The following STK17A variants were observed in gnomAD, a reference collection of about 807,000 sequenced individuals.
STK17A encodes serine/threonine kinase 17a.
A neutral mutation model predicts 43.7 loss-of-function variants in STK17A; 26 were observed. The ratio of observed to expected loss-of-function variants is 0.60; its 90% confidence interval spans 0.44 to 0.83. The LOEUF (loss-of-function observed/expected upper bound fraction) is 0.83. Among genes scored for constraint, STK17A ranks in the 40% least tolerant of loss-of-function variants. The pLI is 0.00. For synonymous variants in STK17A, 191 were observed against 182.5 expected (o/e 1.05, Z -0.38); for missense variants, 476 against 511.6 (o/e 0.93, Z 0.67).
chr7:43,609,259 A>C (rs900661927), intron 3 of STK17A: 4 of 152,280 alleles, frequency 2.6e-5, no homozygotes, highest in Non-Finnish European at 2.9e-5. Context: ...GACAGCAGGA[A>C]AGTCAGTCTC....
Position 43,611,362 on chromosome 7 carries a change from A to T in STK17A, c.564+2962A>T, listed in dbSNP as rs36028286. Reference sequence around the variant, plus strand: ...TATACACATTTATCTTTTCTCAAAGATATTAATTTTTTAATACCATGGCTA... The same window carrying T: ...TATACACATTTATCTTTTCTCAAAGTTATTAATTTTTTAATACCATGGCTA... On this transcript the variant is annotated intron_variant, in intron 3 of 6. Coordinates refer to ENST00000319357, the MANE Select transcript of STK17A (RefSeq NM_004760.3). Among the ~76,000 whole-genome samples the T allele has an allele frequency of 3.3e-3, 504 of 152,290 alleles. 2 individuals are homozygous for T. The highest frequency in any genetic ancestry group is 5.3e-3 in the Non-Finnish European group (363 of 68,016).
intron 2 of STK17A, among the ~76,000 whole-genome samples, chr7:43,597,476 G>A (rs2082525085): frequency 1.3e-5 from 2 of 152,002 alleles, no homozygotes; most frequent in South Asian, 4.1e-4. Flanking sequence ...GCAGCTCATG[G>A]GTTCAAGCGA....
In STK17A at chr7:43,624,880, G is replaced by A; in HGVS notation, c.*38G>A. 6.6e-7 allele frequency: 1 copy of A among 1,510,082 alleles called. No individual in the cohort carries two copies. The highest frequency in any genetic ancestry group is 8.9e-7 in the Non-Finnish European group (1 of 1,122,206). The allele number at this position is 1,510,082 out of a possible 1,614,324, so 93.5% of individuals were successfully genotyped here. A position where few individuals can be genotyped will look rare whatever the true frequency, so the allele number is the denominator to read the frequency against. Reference sequence around the variant, plus strand: ...TTTAGAACTTCAAGATTTCTACATTGAAAATGTTAATATTATTTATGGACC... The same window carrying A: ...TTTAGAACTTCAAGATTTCTACATTAAAAATGTTAATATTATTTATGGACC... On this transcript the variant is annotated 3_prime_UTR_variant, in exon 7 of 7. Coordinates refer to ENST00000319357, the MANE Select transcript of STK17A (RefSeq NM_004760.3).
intron 2 of STK17A, among the ~76,000 whole-genome samples, chr7:43,604,951 G>C (rs2082578943): frequency 6.6e-6 from 1 of 152,096 alleles, no homozygotes. Flanking sequence ...TTCTTCTGCA[G>C]TGTCTGATCT....
At position 43,625,069 on chromosome 7, in the gene STK17A, A is replaced by C. The variant is rs1249055260; in HGVS notation, c.*227A>C. ...ACCCGTTTCAATGTTATTTTTAAGA[A>C]GGGAGATGTTGGCACCTTTGAATTC... On this transcript the variant is annotated 3_prime_UTR_variant, in exon 7 of 7. Transcript: ENST00000319357. The C allele has an allele frequency of 2.7e-6, 1 of 363,780 alleles. No individual in the cohort carries two copies. The highest frequency in any genetic ancestry group is 4.9e-6 in the Non-Finnish European group (1 of 202,168). 22.5% of individuals were successfully genotyped at this position (363,780 alleles called of 1,614,324 possible).
At chr7:43,592,464 T>C (rs185946741) in intron 1 of STK17A, among the ~76,000 whole-genome samples, 23 of 143,902 alleles carry the variant, frequency 1.6e-4, no homozygotes, top group African/African-American at 5.4e-4. Flanking sequence ...GACATGAAAA[T>C]TATATTTGCA....
At chr7:43,589,687 A>C (rs1442704412) in intron 1 of STK17A, among the ~76,000 whole-genome samples, 1 of 142,332 alleles carries the variant, frequency 7.0e-6, no homozygotes, top group Non-Finnish European at 1.6e-5. Flanking sequence ...TTCTCCTCTC[A>C]TCTCTGCGTA....
intron 1 of STK17A, among the ~76,000 whole-genome samples, chr7:43,594,839 A>G (rs1369843091): frequency 6.6e-6 from 1 of 151,198 alleles, no homozygotes; most frequent in Non-Finnish European, 1.5e-5. Flanking sequence ...CAGGAGTTCA[A>G]TACTAGCCTG....
intron 2 of STK17A, among the ~76,000 whole-genome samples, chr7:43,607,873 G>A (rs555398887): frequency 6.6e-6 from 1 of 152,314 alleles, no homozygotes; most frequent in African/African-American, 2.4e-5. Flanking sequence ...ATTGTGGCCT[G>A]TATGTGCAGA....
chr7:43,611,468 A>G (rs1044091569), intron 3 of STK17A, among the ~76,000 whole-genome samples: 4 of 152,190 alleles, frequency 2.6e-5, no homozygotes, highest in African/African-American at 7.2e-5. Context: ...GCACACCCAC[A>G]CGCTGAGGTG....
At chr7:43,621,565 A>G (rs1457476387) in intron 4 of STK17A, among the ~76,000 whole-genome samples, 1 of 152,098 alleles carries the variant, frequency 6.6e-6, no homozygotes, top group East Asian at 1.9e-4. Context: ...GCAGCTCCCA[A>G]CTTGAGCTCC....
At chr7:43,618,365 C>T (rs918604915) in intron 3 of STK17A, among the ~76,000 whole-genome samples, 1 of 152,052 alleles carries the variant, frequency 6.6e-6, no homozygotes, top group Non-Finnish European at 1.5e-5. Context: ...AAAGGCAGTA[C>T]GTGTGTAAAG....
At chr7:43,597,360 C>T (rs1443056688) in intron 2 of STK17A, among the ~76,000 whole-genome samples, 2 of 151,328 alleles carry the variant, frequency 1.3e-5, no homozygotes, top group Non-Finnish European at 2.9e-5. Flanking sequence ...GGTGCGGTGG[C>T]TCATGCCTGT....
At chr7:43,599,144 G>C (rs1034610894) in intron 2 of STK17A, among the ~76,000 whole-genome samples, 3 of 152,188 alleles carry the variant, frequency 2.0e-5, no homozygotes, top group Non-Finnish European at 2.9e-5. Context: ...TTCATAAAAT[G>C]AATTAGAACT....
chr7:43,615,241 T>C (rs2083238997), intron 3 of STK17A, among the ~76,000 whole-genome samples: 1 of 152,230 alleles, frequency 6.6e-6, no homozygotes, highest in South Asian at 2.1e-4. Context: ...AGTGGCACTA[T>C]CTCGGCTCAC....
intron 1 of STK17A, among the ~76,000 whole-genome samples, chr7:43,591,275 A>G (rs1563143346): frequency 6.6e-6 from 1 of 151,612 alleles, no homozygotes; most frequent in Non-Finnish European, 1.5e-5. Flanking sequence ...ACATTTTTTA[A>G]TAGTTAAAAA....
intron 4 of STK17A, chr7:43,623,042 T>C (rs577534895): frequency 1.3e-5 from 2 of 153,394 alleles, no homozygotes; most frequent in East Asian, 3.8e-4. Context: ...GTCCCATGCC[T>C]GTAGTGTCAG....
In STK17A at chr7:43,587,147, G is replaced by GTTTTT. The variant is rs202031785; in HGVS notation, c.206+3700_206+3704dup. 3.5e-4 allele frequency among the ~76,000 whole-genome samples: 40 copies of GTTTTT among 113,468 alleles called. 2 individuals are homozygous for GTTTTT. Among genetic ancestry groups the GTTTTT allele is most frequent in the Admixed American group, 6.9e-4 (7 of 10,098 alleles). The allele number at this position is 113,468 out of a possible 152,430, so 74.4% of individuals were successfully genotyped here. On this transcript the variant is annotated intron_variant, in intron 1 of 6. Transcript: ENST00000319357. ...TTTAATGAAATGATATGTTTTTATT[G>GTTTTT]TTTTTTGTTTTTTTTTTTTTTTTTT... is the stretch of plus-strand genomic sequence containing the variant.
rs1413631822 is a variant in STK17A at position 43,595,888 on chromosome 7, T to C, written c.207-13T>C. The C allele has an allele frequency of 6.8e-6, 11 of 1,609,770 alleles. No homozygotes were observed. Among genetic ancestry groups the C allele is most frequent in the African/African-American group, 4.0e-5 (3 of 74,634 alleles). On this transcript the variant is annotated splice_polypyrimidine_tract_variant and intron_variant, in intron 1 of 6. Coordinates refer to ENST00000319357, the MANE Select transcript of STK17A (RefSeq NM_004760.3). Reference sequence around the variant, plus strand: ...TGTCAACTTTAACAGTGAATGTTTTTGTTTAATTCTAGGGGGAAATTTGCA... The same window carrying C: ...TGTCAACTTTAACAGTGAATGTTTTCGTTTAATTCTAGGGGGAAATTTGCA...
Sources: gnomAD v4.1 joint callset for allele counts (sites outside exome capture counted in the v4.1 genomes callset) on GRCh38, gnomAD v4.1.1 for gene constraint, MANE v1.5 for transcripts, NCBI Gene and HGNC (gene_info 2026-07-23, HGNC 2026-07-21) for gene names.